PDZRN3: variants seen among roughly 807,000 people sequenced by gnomAD.
PDZRN3 encodes PDZ domain containing ring finger 3.
In PDZRN3, 38 loss-of-function variants were observed where a neutral mutation model predicts 85.7. The ratio of observed to expected loss-of-function variants is 0.44; its 90% CI spans 0.34 to 0.58. PDZRN3 has a LOEUF of 0.58. Ranked by LOEUF, PDZRN3 falls within the 20% of genes least tolerant of loss-of-function variation. PDZRN3 has a pLI of 0.01. For missense variants in PDZRN3, 1,629 were observed against 1,506.4 expected, an observed-to-expected ratio of 1.08 and a Z score of -1.35; for synonymous variants, 759 against 638.0, an observed-to-expected ratio of 1.19 and a Z score of -2.86.
chr3:73,436,469 C>T (rs767353089), intron 3 of PDZRN3, among the ~76,000 whole-genome samples: 8 of 152,192 alleles, frequency 5.3e-5, no homozygotes, highest in Non-Finnish European at 8.8e-5. Context: ...CTTGCAATCA[C>T]GGTTGGCTCT....
rs1701946093 is a variant in PDZRN3 at position 73,410,568 on chromosome 3, C to T, written c.919-6173G>A. 2.0e-5 allele frequency among the ~76,000 whole-genome samples: 3 copies of T among 152,186 alleles called. No homozygotes were observed. The South Asian group carries it at 6.2e-4, about 32-fold the overall frequency. On this transcript the variant is annotated intron_variant, in intron 3 of 9. Transcript: ENST00000263666. Reference sequence around the variant, plus strand: ...CTTACTCCATTTCAAGCATCCTGCACAGATAAATTTATAGCTTGGGTAATT... The same window carrying T: ...CTTACTCCATTTCAAGCATCCTGCATAGATAAATTTATAGCTTGGGTAATT...
intron 3 of PDZRN3, among the ~76,000 whole-genome samples, chr3:73,582,782 T>A (rs898036923): frequency 6.6e-6 from 1 of 152,106 alleles, no homozygotes; most frequent in Admixed American, 6.6e-5. Flanking sequence ...AAAATGAGAA[T>A]GATACTATGT....
At chr3:73,586,226 T>G (rs1245833220) in intron 3 of PDZRN3, among the ~76,000 whole-genome samples, 1 of 152,184 alleles carries the variant, frequency 6.6e-6, no homozygotes. Flanking sequence ...ACTCCTAAAT[T>G]CCTCCTGGCA....
chr3:73,477,436 G>A (rs373408487), intron 3 of PDZRN3, among the ~76,000 whole-genome samples: 230 of 152,290 alleles, frequency 1.5e-3, no homozygotes, highest in African/African-American at 4.3e-3. Flanking sequence ...CTAAAAGTGA[G>A]ACAGATAATT....
intron 3 of PDZRN3, among the ~76,000 whole-genome samples, chr3:73,467,590 T>C (rs1327569329): frequency 6.6e-6 from 1 of 152,186 alleles, no homozygotes; most frequent in Non-Finnish European, 1.5e-5. Flanking sequence ...TCTTCCAGAT[T>C]ATGAAAGAGT....
intron 3 of PDZRN3, among the ~76,000 whole-genome samples, chr3:73,484,309 A>G (rs1218757203): frequency 1.3e-5 from 2 of 152,190 alleles, no homozygotes; most frequent in Non-Finnish European, 2.9e-5. Flanking sequence ...GATGTCCCAG[A>G]TCAGGGTTCT....
chr3:73,614,154 T>C (rs1184551162), intron 1 of PDZRN3, among the ~76,000 whole-genome samples: 1 of 152,206 alleles, frequency 6.6e-6, no homozygotes, highest in Non-Finnish European at 1.5e-5. Flanking sequence ...AGCTTTCAAC[T>C]CAAGGTCTAA....
chr3:73,557,464 A>G (rs973861473), intron 3 of PDZRN3, among the ~76,000 whole-genome samples: 3 of 152,240 alleles, frequency 2.0e-5, no homozygotes, highest in Non-Finnish European at 4.4e-5. Context: ...CTGTGTGGCA[A>G]TAAAATTGAG....
rs10675308 is a variant in PDZRN3, at chr3:73,388,930, C to CAAAAAAAA, written c.1417-869_1417-862dup. Among the ~76,000 whole-genome samples the CAAAAAAAA allele has an allele frequency of 2.1e-4, 14 of 67,680 alleles. 1 individual carries two copies. The highest frequency in any genetic ancestry group is 1.5e-3 in the Admixed American group (7 of 4,564). The allele number at this position is 67,680 out of a possible 152,430, so 44.4% of individuals were successfully genotyped here. ...AAGGTTAATGGAAAACTCCAGCAATCAAAAAAAAAAAAAAAAAAAAAAAAA... is the reference window on the plus strand; with the variant it reads ...AAGGTTAATGGAAAACTCCAGCAATCAAAAAAAAAAAAAAAAAAAAAAAAAAAAAAAAA... On this transcript the variant is annotated intron_variant, in intron 7 of 9. Transcript: ENST00000263666.
chr3:73,478,123 C>T (rs965859794), intron 3 of PDZRN3, among the ~76,000 whole-genome samples: 5 of 152,154 alleles, frequency 3.3e-5, no homozygotes, highest in African/African-American at 4.8e-5. Flanking sequence ...ATTTGCATTA[C>T]TTTGGCCAAA....
intron 3 of PDZRN3, among the ~76,000 whole-genome samples, chr3:73,601,848 C>T (rs925365683): frequency 2.6e-5 from 4 of 151,842 alleles, no homozygotes; most frequent in Admixed American, 6.6e-5. Context: ...GCCTGCAAAT[C>T]CCTGGGCAAT....
chr3:73,510,011 C>T (rs151075666), intron 3 of PDZRN3, among the ~76,000 whole-genome samples: 20 of 152,342 alleles, frequency 1.3e-4, no homozygotes, highest in African/African-American at 4.8e-4. Context: ...TCTACCATGA[C>T]TGATTCATCT....
In PDZRN3 at chr3:73,399,640, A is replaced by G. The variant is rs572793075; in HGVS notation, c.1254+1282T>C. Among the ~76,000 whole-genome samples, 23 of 152,322 alleles carry G rather than the reference A, an allele frequency of 1.5e-4. No homozygotes were observed. The South Asian group carries it at 4.8e-3, about 32-fold the overall frequency. On this transcript the variant is annotated intron_variant, in intron 5 of 9. Coordinates refer to ENST00000263666, the MANE Select transcript of PDZRN3 (RefSeq NM_015009.3). ...ACACTAAATAAGAGGCAGAATCCTGATTTTTGAAAATGACAAAACTACATT... is the reference window on the plus strand; with the variant it reads ...ACACTAAATAAGAGGCAGAATCCTGGTTTTTGAAAATGACAAAACTACATT...
At chr3:73,444,593 T>C (rs1033982662) in intron 3 of PDZRN3, among the ~76,000 whole-genome samples, 6 of 152,206 alleles carry the variant, frequency 3.9e-5, no homozygotes, top group African/African-American at 7.2e-5. Context: ...AGAAAAATTG[T>C]AAAGCCTGTC....
intron 3 of PDZRN3, among the ~76,000 whole-genome samples, chr3:73,499,117 G>A (rs1703925806): frequency 6.6e-6 from 1 of 152,110 alleles, no homozygotes; most frequent in Non-Finnish European, 1.5e-5. Flanking sequence ...CTTATGCTCC[G>A]TAATCACTCT....
At chr3:73,608,506 A>T (rs7628014) in intron 2 of PDZRN3, 92 bp downstream of exon 2, 1 of 813,484 alleles carries the variant, frequency 1.2e-6, no homozygotes, top group African/African-American at 1.7e-5. Context: ...AAGTGAGCAA[A>T]GTTTCCTGCT....
chr3:73,540,513 G>C (rs1256512767), intron 3 of PDZRN3, among the ~76,000 whole-genome samples: 1 of 152,186 alleles, frequency 6.6e-6, no homozygotes, highest in Admixed American at 6.5e-5. Flanking sequence ...GAGGGACTCA[G>C]TAGGCGGTAA....
In PDZRN3 at chr3:73,568,275, T is replaced by C. The variant is rs77187767; in HGVS notation, c.918+34079A>G. Among the ~76,000 whole-genome samples the C allele has an allele frequency of 6.1e-3, 924 of 152,248 alleles. 8 individuals are homozygous for C. Among genetic ancestry groups the C allele is most frequent in the African/African-American group, 0.021 (890 of 41,520 alleles). ...ATGATAATGAACAGGAAAGTCTTTT[T>C]TTTTCTTTTTAAATCAAGGTTAAAA... On this transcript the variant is annotated intron_variant, in intron 3 of 9. Transcript: ENST00000263666.
chr3:73,492,132 C>T (rs1208954383), intron 3 of PDZRN3, among the ~76,000 whole-genome samples: 1 of 152,188 alleles, frequency 6.6e-6, no homozygotes, highest in Non-Finnish European at 1.5e-5. Context: ...ACTGTAGAAT[C>T]CCTTTCCTGA....
Sources: gnomAD v4.1 joint callset for allele counts (sites outside exome capture counted in the v4.1 genomes callset) on GRCh38, gnomAD v4.1.1 for gene constraint, MANE v1.5 for transcripts, NCBI Gene and HGNC (gene_info 2026-07-23, HGNC 2026-07-21) for gene names.